The following CNGB3 variants were observed in gnomAD, a reference collection of about 807,000 sequenced individuals.
CNGB3 encodes cyclic nucleotide gated channel subunit beta 3.
Under a neutral mutation model 92.8 loss-of-function variants are expected in CNGB3, and 86 were observed. The ratio of observed to expected loss-of-function variants is 0.93; its 90% CI spans 0.78 to 1.11. CNGB3 has a LOEUF of 1.11. Ranked by LOEUF, CNGB3 falls within the 50% of genes least tolerant of loss-of-function variation. The pLI is 0.00. For synonymous variants in CNGB3, 333 were observed against 332.7 expected, an observed-to-expected ratio of 1.00 and a Z score of -0.01; for missense variants, 1,026 against 956.8, an observed-to-expected ratio of 1.07 and a Z score of -0.95.
Position 86,608,596 on chromosome 8 carries a change from A to C in CNGB3, c.1662+2992T>G, listed in dbSNP as rs183129697. Among the ~76,000 whole-genome samples, 93 of 152,330 alleles carry C rather than the reference A, an allele frequency of 6.1e-4. 1 individual carries two copies. The highest frequency in any genetic ancestry group is 2.1e-3 in the African/African-American group (89 of 41,576). ...CCTGTGATGCTGTGCTTCAGTGGTC[A>C]GGCTCCTAGTCTGCCTTCATGTTCC... is the stretch of plus-strand genomic sequence containing the variant. On this transcript the variant is annotated intron_variant, in intron 14 of 17. Transcript: ENST00000320005.
chr8:86,740,519 CA>C (rs1298359450), intron 1 of CNGB3, among the ~76,000 whole-genome samples: 1 of 152,126 alleles, frequency 6.6e-6, no homozygotes, highest in Non-Finnish European at 1.5e-5. Flanking sequence ...GCAGGTTTAG[CA>C]AAAGCCAAAG....
rs1563710537 is a variant in CNGB3 at position 86,574,640 on chromosome 8, T to G, written c.*1164A>C. ...TGTTACAGTGACCATCTTTGGAGAC[T>G]TGGAAATAGCCTCATTACACAGAAC... On this transcript the variant is annotated 3_prime_UTR_variant, in exon 18 of 18. Transcript: ENST00000320005. 1 of 152,210 alleles carries G rather than the reference T, an allele frequency of 6.6e-6. No homozygotes were observed. Among genetic ancestry groups the G allele is most frequent in the Non-Finnish European group, 1.5e-5 (1 of 68,022 alleles). 9.4% of individuals were successfully genotyped at this position (152,210 alleles called of 1,614,324 possible).
At chr8:86,595,049 A>G (rs116638305) in intron 15 of CNGB3, among the ~76,000 whole-genome samples, 284 of 152,316 alleles carry the variant, frequency 1.9e-3, no homozygotes, top group African/African-American at 6.3e-3. Flanking sequence ...ACCTATACTT[A>G]CAGACAAGGA....
intron 13 of CNGB3, among the ~76,000 whole-genome samples, chr8:86,613,914 T>G (rs988549482): frequency 2.0e-5 from 3 of 147,710 alleles, no homozygotes; most frequent in Non-Finnish European, 4.5e-5. Flanking sequence ...ATATATAATA[T>G]GTACATATAA....
intron 3 of CNGB3, among the ~76,000 whole-genome samples, chr8:86,717,103 C>T (rs1264124200): frequency 6.6e-6 from 1 of 152,028 alleles, no homozygotes; most frequent in African/African-American, 2.4e-5. Flanking sequence ...AAAGCAACAG[C>T]AGTTAAAAAA....
chr8:86,621,248 C>T (rs772972123), intron 13 of CNGB3, among the ~76,000 whole-genome samples: 5 of 152,108 alleles, frequency 3.3e-5, no homozygotes, highest in Non-Finnish European at 5.9e-5. Flanking sequence ...TCAGGTATAA[C>T]GAGTTTTATA....
intron 15 of CNGB3, among the ~76,000 whole-genome samples, chr8:86,587,403 G>C (rs1039711019): frequency 2.0e-5 from 3 of 152,148 alleles, no homozygotes; most frequent in Non-Finnish European, 4.4e-5. Context: ...TAGACCTGAA[G>C]TCCTTGCCCA....
At chr8:86,739,111 A>G (rs1825295269) in intron 2 of CNGB3, among the ~76,000 whole-genome samples, 2 of 152,222 alleles carry the variant, frequency 1.3e-5, no homozygotes, top group South Asian at 4.1e-4. Flanking sequence ...GAGTTGAAAA[A>G]TATTGAGTCT....
chr8:86,696,603 C>T (rs1824455063), intron 3 of CNGB3, among the ~76,000 whole-genome samples: 3 of 152,192 alleles, frequency 2.0e-5, no homozygotes, highest in Admixed American at 1.3e-4. Context: ...TTAGTCCTGT[C>T]TTCTATCCAC....
intron 6 of CNGB3, chr8:86,657,436 G>A (rs913585580): frequency 1.6e-5 from 8 of 509,512 alleles, no homozygotes; most frequent in Admixed American, 8.5e-5. Flanking sequence ...AAAATGGAAT[G>A]CAGGGGTTGC....
chr8:86,700,330 A>G (rs1407684447), intron 3 of CNGB3, among the ~76,000 whole-genome samples: 1 of 152,162 alleles, frequency 6.6e-6, no homozygotes, highest in East Asian at 1.9e-4. Flanking sequence ...TTTTTTTAAT[A>G]CTAAGAACCA....
chr8:86,693,860 C>T (rs1041682653), intron 3 of CNGB3, among the ~76,000 whole-genome samples: 115 of 152,290 alleles, frequency 7.6e-4, no homozygotes, highest in Non-Finnish European at 6.0e-4. Flanking sequence ...TACACAGACA[C>T]GGCAACCATC....
intron 3 of CNGB3, among the ~76,000 whole-genome samples, chr8:86,723,900 G>A (rs1391719969): frequency 6.6e-6 from 1 of 152,076 alleles, no homozygotes; most frequent in East Asian, 1.9e-4. Flanking sequence ...GGAGCTTGAG[G>A]CCATTATCCT....
At chr8:86,634,783 T>C (rs568107874) in intron 10 of CNGB3, among the ~76,000 whole-genome samples, 1 of 151,648 alleles carries the variant, frequency 6.6e-6, no homozygotes, top group South Asian at 2.1e-4. Context: ...GCACTAAGCT[T>C]TGAACAAGGG....
chr8:86,634,986 C>A (rs192732444), intron 10 of CNGB3, among the ~76,000 whole-genome samples: 1 of 149,212 alleles, frequency 6.7e-6, no homozygotes, highest in African/African-American at 2.5e-5. Context: ...TAACCTAGTT[C>A]CTTGTTATAG....
intron 10 of CNGB3, among the ~76,000 whole-genome samples, chr8:86,633,175 A>G (rs1449850257): frequency 6.6e-6 from 1 of 152,228 alleles, no homozygotes; most frequent in Non-Finnish European, 1.5e-5. Context: ...TATGGGTCAG[A>G]ATTTTGTGCA....
At chr8:86,655,244 A>G (rs372315299) in intron 6 of CNGB3, among the ~76,000 whole-genome samples, 9 of 152,256 alleles carry the variant, frequency 5.9e-5, no homozygotes, top group South Asian at 2.1e-4. Context: ...CCCTTGATCC[A>G]TTCTACAGTG....
chr8:86,636,572 C>CAAAAAAAAAAA (rs57907634), intron 10 of CNGB3, among the ~76,000 whole-genome samples: 5 of 40,098 alleles, frequency 1.2e-4, no homozygotes, highest in Non-Finnish European at 2.1e-4. Flanking sequence ...GACCCTGTCT[C>CAAAAAAAAAAA]AAAAAAAAAA....
chr8:86,679,484 G>T (rs1824038176), intron 3 of CNGB3, among the ~76,000 whole-genome samples: 1 of 151,878 alleles, frequency 6.6e-6, no homozygotes, highest in Non-Finnish European at 1.5e-5. Flanking sequence ...TAATCTGATA[G>T]GATTGATAGG....
Sources: allele counts gnomAD v4.1 joint callset (sites outside exome capture counted in the v4.1 genomes callset), GRCh38; gene constraint gnomAD v4.1.1; transcripts MANE v1.5; gene names NCBI Gene and HGNC (gene_info 2026-07-23, HGNC 2026-07-21).